The following PCDH11X variants were observed in gnomAD, a reference collection of about 807,000 sequenced individuals.
PCDH11X encodes protocadherin-11 X-linked.
A neutral mutation model predicts 53.3 loss-of-function variants in PCDH11X; 18 were observed. That is an observed-to-expected ratio of 0.34 (90% confidence interval 0.23 to 0.50). The LOEUF is 0.50. Among genes scored for constraint, PCDH11X ranks in the 20% least tolerant of loss-of-function variants. The pLI is 0.98. For synonymous variants in PCDH11X, 279 were observed against 393.3 expected, an observed-to-expected ratio of 0.71 and a Z score of 3.44; for missense variants, 570 against 1,032.4, an observed-to-expected ratio of 0.55 and a Z score of 6.14.
chrX:92,391,956 C>T (rs1290656290), intron 9 of PCDH11X, among the ~76,000 whole-genome samples: 2 of 110,922 alleles, frequency 1.8e-5, no homozygotes, highest in Non-Finnish European at 1.9e-5. Context: ...AAAAATCCCC[C>T]TAAAATGAAG....
intron 6 of PCDH11X, among the ~76,000 whole-genome samples, chrX:92,083,532 A>G (rs976963162): frequency 3.1e-4 from 35 of 111,826 alleles, no homozygotes; most frequent in African/African-American, 1.1e-3. Flanking sequence ...TTTATTTTAA[A>G]TATGAGGGGA....
intron 5 of PCDH11X, among the ~76,000 whole-genome samples, chrX:91,871,681 A>G (rs1230843831): frequency 9.0e-6 from 1 of 110,988 alleles, no homozygotes; most frequent in Non-Finnish European, 1.9e-5. Flanking sequence ...CTATTTGGCA[A>G]TGAATATCCT....
At chrX:92,285,146 G>A (rs1205242322) in intron 8 of PCDH11X, among the ~76,000 whole-genome samples, 19 of 107,853 alleles carry the variant, frequency 1.8e-4, no homozygotes, top group African/African-American at 6.4e-4. Context: ...TATTATTGTT[G>A]TTATGATATT....
chrX:91,798,284 G>A (rs1935809543), intron 1 of PCDH11X: 1 of 110,697 alleles, frequency 9.0e-6, no homozygotes, highest in Non-Finnish European at 1.9e-5. Context: ...TGTTCCCCTC[G>A]GGGGTTAAAA....
chrX:92,332,727 C>T (rs2069522538), intron 8 of PCDH11X, among the ~76,000 whole-genome samples: 1 of 111,373 alleles, frequency 9.0e-6, no homozygotes, highest in Non-Finnish European at 1.9e-5. Context: ...AAAACAGCAG[C>T]AGCAGCAGCA....
intron 6 of PCDH11X, among the ~76,000 whole-genome samples, chrX:92,117,367 G>A (rs761953589): frequency 9.1e-6 from 1 of 109,311 alleles, no homozygotes; most frequent in African/African-American, 3.3e-5. Context: ...ACCTGGGGGT[G>A]GGGAGGTTCC....
chrX:92,067,104 A>G (rs1306340358), intron 6 of PCDH11X, among the ~76,000 whole-genome samples: 2 of 111,754 alleles, frequency 1.8e-5, no homozygotes, highest in Non-Finnish European at 3.8e-5. Flanking sequence ...CTCTGTCTAA[A>G]TAAATAAACA....
chrX:91,889,510 G>A (rs752316204), intron 6 of PCDH11X, among the ~76,000 whole-genome samples: 12 of 111,485 alleles, frequency 1.1e-4, no homozygotes, highest in African/African-American at 2.6e-4. Flanking sequence ...ACGGGGTTTC[G>A]CCATGCTGAC....
intron 10 of PCDH11X, among the ~76,000 whole-genome samples, chrX:92,538,609 A>G (rs1386797074): frequency 9.9e-6 from 1 of 100,896 alleles, no homozygotes; most frequent in Non-Finnish European, 2.0e-5. Flanking sequence ...ACTGATGACA[A>G]CATAGCAAAG....
chrX:92,607,986 T>G (rs73537255), intron 10 of PCDH11X, among the ~76,000 whole-genome samples: 2,217 of 111,111 alleles, frequency 0.02, 45 homozygotes, highest in African/African-American at 0.065. Flanking sequence ...GAGCTCTAAA[T>G]AAAGAAAGAT....
At chrX:92,127,131 CAT>C (rs1488661987) in intron 6 of PCDH11X, among the ~76,000 whole-genome samples, 2 of 110,970 alleles carry the variant, frequency 1.8e-5, no homozygotes, top group Non-Finnish European at 3.8e-5. Context: ...TACTAGTAAA[CAT>C]ATATGTTTTA....
intron 6 of PCDH11X, among the ~76,000 whole-genome samples, chrX:92,007,117 C>T (rs2062612099): frequency 9.0e-6 from 1 of 111,036 alleles, no homozygotes; most frequent in African/African-American, 3.3e-5. Flanking sequence ...CTGGCTACTT[C>T]CCATGTTTGC....
At chrX:91,919,122 C>G (rs920861181) in intron 6 of PCDH11X, among the ~76,000 whole-genome samples, 2 of 111,712 alleles carry the variant, frequency 1.8e-5, no homozygotes, top group Non-Finnish European at 3.8e-5. Flanking sequence ...CTACTCAGGT[C>G]AGAATCAAGT....
rs746951282 is a variant in PCDH11X at position 92,618,459 on chromosome X, G to A, written c.3563G>A (p.Arg1188Gln). 170 of 1,207,809 alleles carry A rather than the reference G, an allele frequency of 1.4e-4. No individual in the cohort carries two copies. The South Asian group carries it at 2.6e-3, about 18-fold the overall frequency. Residue 1188 changes from arginine (R) to glutamine (Q), a missense_variant, in exon 11 of 11, where the codon CGA becomes CAA. Physicochemically the swap from Arg to Gln is conservative, Grantham distance 43. This residue lies in a region of PCDH11X where 234 missense variants were observed against 296.1 expected (regional missense o/e 0.79). Transcript: ENST00000682573. ...GCCTCTACTCAGCACCACAGCCCAC[G>A]AGTGACACAGACCATTGCTCTCTGC... Reference protein sequence around the residue: ...SQASTQHHSPRVTQTIALCHS... With the variant: ...SQASTQHHSPQVTQTIALCHS...
chrX:92,536,796 T>C (rs979504725), intron 10 of PCDH11X, among the ~76,000 whole-genome samples: 2 of 108,498 alleles, frequency 1.8e-5, no homozygotes, highest in Non-Finnish European at 3.8e-5. Flanking sequence ...TATCTGGAAC[T>C]ACAGGTGTAT....
intron 6 of PCDH11X, among the ~76,000 whole-genome samples, chrX:92,198,657 G>T (rs2066338711): frequency 9.1e-6 from 1 of 110,224 alleles, no homozygotes; most frequent in South Asian, 3.8e-4. Context: ...ATATATTTTG[G>T]GAAGTGAATT....
At chrX:91,866,316 T>C (rs1161287171) in intron 5 of PCDH11X, among the ~76,000 whole-genome samples, 3 of 111,482 alleles carry the variant, frequency 2.7e-5, no homozygotes, top group African/African-American at 9.8e-5. Flanking sequence ...CTAAGAGTTG[T>C]AGTCCTTATG....
chrX:92,148,332 G>A (rs1202695481), intron 6 of PCDH11X, among the ~76,000 whole-genome samples: 1 of 101,908 alleles, frequency 9.8e-6, no homozygotes, highest in Non-Finnish European at 2.0e-5. Flanking sequence ...AGGTTCAAGC[G>A]ATTCTCCTGC....
At chrX:91,824,636 C>T (rs763834612) in intron 4 of PCDH11X, among the ~76,000 whole-genome samples, 4 of 101,446 alleles carry the variant, frequency 3.9e-5, no homozygotes, top group Non-Finnish European at 7.6e-5. Flanking sequence ...TCCTGTAGCT[C>T]AGAGTAATTT....
Sources: allele counts gnomAD v4.1 joint callset (sites outside exome capture counted in the v4.1 genomes callset), GRCh38; gene constraint gnomAD v4.1.1; regional missense constraint gnomAD v4.1.1; transcripts MANE v1.5; gene names NCBI Gene and HGNC (gene_info 2026-07-23, HGNC 2026-07-21).